Variants in KDM6B observed in about 807,000 individuals in gnomAD.
KDM6B encodes lysine-specific demethylase 6B.
KDM6B carries 22 observed loss-of-function variants against 150.4 expected under a neutral mutation model. The observed-to-expected ratio is 0.15, with a 90% CI of 0.10 to 0.21. The LOEUF is 0.21. KDM6B is among the 10% of genes least tolerant of loss of function. The pLI, the probability that KDM6B is intolerant of heterozygous loss-of-function variation, is 1.00. For missense variants in KDM6B, 1,984 were observed against 2,234.3 expected, an observed-to-expected ratio of 0.89 and a Z score of 2.26; for synonymous variants, 1,148 against 921.1, an observed-to-expected ratio of 1.25 and a Z score of -4.46.
Position 7,849,527 on chromosome 17 carries a change from G to A in KDM6B, c.3239G>A (p.Gly1080Glu). The A allele has an allele frequency of 6.2e-7, 1 of 1,612,862 alleles. No individual in the cohort carries two copies. The highest frequency in any genetic ancestry group is 8.5e-7 in the Non-Finnish European group (1 of 1,179,954). Reference sequence around the variant, plus strand: ...AAGAAGGCTCGGGAGGAAGCCCCAGGGCCACCGGGTGTCAGCCGGGCCGAC... The same window carrying A: ...AAGAAGGCTCGGGAGGAAGCCCCAGAGCCACCGGGTGTCAGCCGGGCCGAC... Reference protein sequence around the residue: ...PGKKAREEAPGPPGVSRADML... With the variant: ...PGKKAREEAPEPPGVSRADML... Residue 1080 changes from glycine to glutamate, a missense_variant, in exon 12 of 24, where the codon GGG (glycine) becomes GAG (glutamate). Coordinates refer to ENST00000448097, the MANE Select transcript of KDM6B (RefSeq NM_001348716.2).
At position 7,851,980 on chromosome 17, in the gene KDM6B, G is replaced by A. The variant is rs1216776545; in HGVS notation, c.4195G>A (p.Val1399Ile). The A allele has an allele frequency of 1.2e-6, 2 of 1,614,074 alleles. No homozygotes were observed. The highest frequency in any genetic ancestry group is 2.2e-5 in the East Asian group (1 of 44,882). Residue 1399 changes from valine to isoleucine, a missense_variant, in exon 19 of 24, where the codon GTC becomes ATC. This residue lies in a region of KDM6B where 31 missense variants were observed against 120.3 expected (regional missense o/e 0.26). Coordinates refer to ENST00000448097, the MANE Select transcript of KDM6B (RefSeq NM_001348716.2). Reference sequence around the variant, plus strand: ...CCAGGAGAATAACAACTTCTGCTCCGTCAACATCAACATTGGCCCAGGCGA... The same window carrying A: ...CCAGGAGAATAACAACTTCTGCTCCATCAACATCAACATTGGCCCAGGCGA... ...GHQENNNFCS[V>I]NINIGPGDCE...
Position 7,853,535 on chromosome 17 carries a change from G to T in KDM6B, c.*14G>T. 1 of 1,439,268 alleles carries T rather than the reference G, an allele frequency of 6.9e-7. No homozygotes were observed. The highest frequency in any genetic ancestry group is 9.1e-7 in the Non-Finnish European group (1 of 1,101,786). The allele number at this position is 1,439,268 out of a possible 1,614,324, so 89.2% of individuals were successfully genotyped here. On this transcript the variant is annotated 3_prime_UTR_variant, in exon 24 of 24. Transcript: ENST00000448097. ...ACGTCGCGATGAGGCCGGACGCCCC[G>T]CCCGCCTGCCTGCCCGCGCAAGGCG...
rs1239689834 is a variant in KDM6B, at chr17:7,850,107, G to C, written c.3603G>C (p.Leu1201=). 5 of 1,613,816 alleles carry C rather than the reference G, an allele frequency of 3.1e-6. No individual in the cohort carries two copies. The African/African-American group carries it at 4.0e-5, about 13-fold the overall frequency. Residue 1201 remains leucine (L), a synonymous_variant, in exon 14 of 24, where the codon CTG becomes CTC. Transcript: ENST00000448097. ...AACGGGATGCCTTCTCACCTGTCCT[G>C]CTGCAGTTCTGTACAGACCCTCGAA... The part of the protein sequence containing the change: ...ESKRDAFSPV[L]LQFCTDPRNP...
intron 14 of KDM6B, 105 bp downstream of exon 14, chr17:7,850,282 G>T: frequency 1.1e-6 from 1 of 881,516 alleles, no homozygotes; most frequent in Non-Finnish European, 1.8e-6. Context: ...GTGGCCGTGA[G>T]GAGTCCACTG....
rs772828257 is a variant in KDM6B at position 7,847,379 on chromosome 17, G to GCAC, written c.1193_1195dup (p.Thr398dup). 1.3e-5 allele frequency: 21 copies of GCAC among 1,612,880 alleles called. No individual in the cohort carries two copies. The highest frequency in any genetic ancestry group is 5.5e-5 in the South Asian group (5 of 91,056). ...CCTTCCCGGCCCCCTGGCCTCCCCG[G>GCAC]CACCACCACCAGCAGCAGCAGTAGC... On this transcript the variant is annotated inframe_insertion, in exon 11 of 24. Coordinates refer to ENST00000448097, the MANE Select transcript of KDM6B (RefSeq NM_001348716.2).
rs1463007185 is a variant in KDM6B at position 7,847,849 on chromosome 17, C to G, written c.1561C>G (p.His521Asp). 6.4e-7 allele frequency: 1 copy of G among 1,567,144 alleles called. No homozygotes were observed. The highest frequency in any genetic ancestry group is 8.7e-7 in the Non-Finnish European group (1 of 1,156,066). The change falls in exon 12 of 24, where the codon CAT becomes GAT. Residue 521 changes from histidine to aspartate, a missense_variant. This residue lies in a region of KDM6B where 1,379 missense variants were observed against 1,275.6 expected (regional missense o/e 1.08). Coordinates refer to ENST00000448097, the MANE Select transcript of KDM6B (RefSeq NM_001348716.2). The part of the protein sequence containing the change: ...PPRPAPPPLP[H>D]REGFLGPPAS... ...CCGCCCTGCCCCACCACCCCTCCCC[C>G]ATCGCGAGGGCTTCTTGGGGCCTCC...
At chr17:7,842,205 C>T (rs1490880630) in intron 2 of KDM6B, among the ~76,000 whole-genome samples, 1 of 151,844 alleles carries the variant, frequency 6.6e-6, no homozygotes, top group Non-Finnish European at 1.5e-5. Context: ...AGTGTTCTCT[C>T]TTGGGGCTCC....
Position 7,849,883 on chromosome 17 carries a change from C to G in KDM6B, c.3503C>G (p.Pro1168Arg), listed in dbSNP as rs765655631. The G allele has an allele frequency of 1.9e-6, 3 of 1,613,434 alleles. No individual in the cohort carries two copies. The highest frequency in any genetic ancestry group is 2.5e-6 in the Non-Finnish European group (3 of 1,180,018). Residue 1168 changes from proline (P) to arginine (R), a missense_variant, in exon 13 of 24, where the codon CCG becomes CGG. This residue lies in a region of KDM6B where 1,379 missense variants were observed against 1,275.6 expected (regional missense o/e 1.08). Coordinates refer to ENST00000448097, the MANE Select transcript of KDM6B (RefSeq NM_001348716.2). Reference protein sequence around the residue: ...SYLSPAQSVKPKINTEEKLPR... With the variant: ...SYLSPAQSVKRKINTEEKLPR... Reference sequence around the variant, plus strand: ...CTTTCCCCTGCCCAGTCTGTGAAACCGAAGATCAACACTGAGGAGAAGCTG... The same window carrying G: ...CTTTCCCCTGCCCAGTCTGTGAAACGGAAGATCAACACTGAGGAGAAGCTG...
Position 7,851,385 on chromosome 17 carries a change from C to T in KDM6B, c.3935C>T (p.Thr1312Ile). Reference sequence around the variant, plus strand: ...GAGGAGCCAGACAGCACCACTGGAACCCCTCCTAGGTACTGTGCAGGTGTG... The same window carrying T: ...GAGGAGCCAGACAGCACCACTGGAATCCCTCCTAGGTACTGTGCAGGTGTG... ...ESEEPDSTTGTPPSSAPDPKN... is the reference protein window; with the variant it reads ...ESEEPDSTTGIPPSSAPDPKN... The change falls in exon 16 of 24, where the codon ACC becomes ATC. Residue 1312 changes from threonine to isoleucine, a missense_variant. Thr to Ile is a moderately conservative substitution (Grantham distance 89). Coordinates refer to ENST00000448097, the MANE Select transcript of KDM6B (RefSeq NM_001348716.2). The T allele has an allele frequency of 6.2e-7, 1 of 1,614,164 alleles. No homozygotes were observed. Among genetic ancestry groups the T allele is most frequent in the Non-Finnish European group, 8.5e-7 (1 of 1,180,018 alleles).
chr17:7,850,727 A>G (rs2078675531), intron 14 of KDM6B, among the ~76,000 whole-genome samples: 1 of 152,194 alleles, frequency 6.6e-6, no homozygotes, highest in Admixed American at 6.5e-5. Context: ...AGCACCTACT[A>G]TGTGTCTGTC....
rs2078738503 is a variant in KDM6B at position 7,853,215 on chromosome 17, G to A, written c.4743G>A (p.Glu1581=). The change falls in exon 23 of 24, where the codon GAG becomes GAA. Residue 1581 remains glutamate (E), a synonymous_variant. Coordinates refer to ENST00000448097, the MANE Select transcript of KDM6B (RefSeq NM_001348716.2). ...PAYYCNECDV[E]VFNILFVTSE... is the part of the protein sequence containing the mutation. ...CACTGTCCTCCCTGCCCCAGGTGGAGGTGTTTAACATCCTGTTCGTGACAA... is the reference window on the plus strand; with the variant it reads ...CACTGTCCTCCCTGCCCCAGGTGGAAGTGTTTAACATCCTGTTCGTGACAA... The A allele has an allele frequency of 1.9e-6, 3 of 1,613,002 alleles. No homozygotes were observed. Among genetic ancestry groups the A allele is most frequent in the African/African-American group, 2.7e-5 (2 of 74,940 alleles).
At chr17:7,836,853 G>A (rs1184181325) in intron 1 of KDM6B, among the ~76,000 whole-genome samples, 1 of 152,176 alleles carries the variant, frequency 6.6e-6, no homozygotes, top group Non-Finnish European at 1.5e-5. Flanking sequence ...TGTTAGAGGT[G>A]GCCTGGGATG....
rs545811103 is a variant in KDM6B at position 7,848,081 on chromosome 17, C to T, written c.1793C>T (p.Pro598Leu). ...CCAGCACAGAACCCCCAGGACCCAC[C>T]TCTTGTACCCCTGACTCTTGCCCTG... is the stretch of plus-strand genomic sequence containing the variant. ...PSPAQNPQDP[P>L]LVPLTLALPP... The change falls in exon 12 of 24, where the codon CCT (proline) becomes CTT (leucine). Residue 598 changes from proline to leucine, a missense_variant. Pro to Leu is a moderately conservative substitution (Grantham distance 98). This residue lies in a region of KDM6B where 1,379 missense variants were observed against 1,275.6 expected (regional missense o/e 1.08). Coordinates refer to ENST00000448097, the MANE Select transcript of KDM6B (RefSeq NM_001348716.2). The T allele has an allele frequency of 7.4e-6, 12 of 1,612,868 alleles. No individual in the cohort carries two copies. The highest frequency in any genetic ancestry group is 5.3e-5 in the African/African-American group (4 of 74,902).
At chr17:7,850,274 G>T in intron 14 of KDM6B, 97 bp downstream of exon 14, 1 of 971,112 alleles carries the variant, frequency 1.0e-6, no homozygotes. Flanking sequence ...TCATGACAGT[G>T]GCCGTGAGGA....
chr17:7,842,367 G>C (rs754652792), intron 2 of KDM6B, among the ~76,000 whole-genome samples: 1 of 152,330 alleles, frequency 6.6e-6, no homozygotes, highest in African/African-American at 2.4e-5. Flanking sequence ...TGGCTCCCGA[G>C]GTTGTGGGTC....
chr17:7,846,382 GT>G lies in KDM6B; in HGVS notation c.457-17del. On this transcript the variant is annotated splice_polypyrimidine_tract_variant and intron_variant, in intron 7 of 23. Coordinates refer to ENST00000448097, the MANE Select transcript of KDM6B (RefSeq NM_001348716.2). ...CCCACCTGACATCTGCCCCTGCCCC[GT>G]GTCCCCCCACCCCCAGGCCCAGCTC... is the stretch of plus-strand genomic sequence containing the variant. The G allele has an allele frequency of 8.8e-6, 5 of 568,674 alleles. No individual in the cohort carries two copies. The highest frequency in any genetic ancestry group is 1.3e-5 in the Non-Finnish European group (5 of 376,264). 35.2% of individuals were successfully genotyped at this position (568,674 alleles called of 1,614,324 possible).
intron 13 of KDM6B, 54 bp from the exon 14 acceptor site, chr17:7,850,018 G>A: frequency 1.2e-6 from 2 of 1,613,488 alleles, no homozygotes; most frequent in Non-Finnish European, 1.7e-6. Context: ...GACTGCTGGG[G>A]TGCTCTGAGC....
rs759280783 is a variant in KDM6B at position 7,846,237 on chromosome 17, C to G, written c.396C>G (p.Ser132Arg). Residue 132 changes from serine (S) to arginine (R), a missense_variant, in exon 7 of 24, where the codon AGC (serine) becomes AGG (arginine). Around this residue, in one of 13 missense-constraint regions of KDM6B, gnomAD observed 337 missense variants for 323.9 expected, o/e 1.04. Coordinates refer to ENST00000448097, the MANE Select transcript of KDM6B (RefSeq NM_001348716.2). ...AGGAGGCCACACGCTGCTACCACAG[C>G]GCCCTTCGATACGGAGGAAGCTTCG... ...DSEEATRCYH[S>R]ALRYGGSFAE... 6.2e-7 allele frequency: 1 copy of G among 1,614,042 alleles called. No homozygotes were observed. The highest frequency in any genetic ancestry group is 8.5e-7 in the Non-Finnish European group (1 of 1,179,994).
intron 8 of KDM6B, 27 bp downstream of exon 8, chr17:7,846,519 G>A: frequency 6.2e-7 from 1 of 1,614,038 alleles, no homozygotes; most frequent in Non-Finnish European, 8.5e-7. Flanking sequence ...GTGGGTTAGG[G>A]AGGAGAGCCA....
Sources: gnomAD v4.1 joint callset for allele counts (sites outside exome capture counted in the v4.1 genomes callset) on GRCh38, gnomAD v4.1.1 for gene constraint, gnomAD v4.1.1 regional missense constraint, MANE v1.5 for transcripts, NCBI Gene and HGNC (gene_info 2026-07-23, HGNC 2026-07-21) for gene names.